SLC25A31: variants seen among roughly 807,000 people sequenced by gnomAD.
The protein encoded by SLC25A31 is ADP/ATP translocase 4.
SLC25A31 carries 40 observed loss-of-function variants against 36.2 expected under a neutral mutation model. The observed-to-expected ratio is 1.10, with a 90% CI of 0.86 to 1.44. The LOEUF is 1.44. Ranked by LOEUF, SLC25A31 falls within the 40% of genes most tolerant of loss-of-function variation. The pLI is 0.00. For synonymous variants in SLC25A31, 143 were observed against 149.7 expected, an observed-to-expected ratio of 0.96 and a Z score of 0.32; for missense variants, 350 against 397.1, an observed-to-expected ratio of 0.88 and a Z score of 1.01.
intron 4 of SLC25A31, 114 bp from the exon 5 acceptor site, chr4:127,768,638 A>AT (rs1478023933): frequency 1.8e-5 from 15 of 844,442 alleles, no homozygotes; most frequent in Non-Finnish European, 2.4e-5. Flanking sequence ...TTTTTATTGC[A>AT]TTTTAAGTAT....
intron 2 of SLC25A31, among the ~76,000 whole-genome samples, chr4:127,751,943 A>G (rs2148758744): frequency 6.6e-6 from 1 of 152,302 alleles, no homozygotes; most frequent in Non-Finnish European, 1.5e-5. Context: ...GGATGTGGAG[A>G]AATAGGAACA....
chr4:127,761,958 A>G (rs560026938), intron 2 of SLC25A31, among the ~76,000 whole-genome samples: 6 of 152,330 alleles, frequency 3.9e-5, no homozygotes, highest in Non-Finnish European at 7.4e-5. Flanking sequence ...GTCAGATGCA[A>G]TCTCCTGATC....
At position 127,764,310 on chromosome 4, in the gene SLC25A31, T is replaced by C; in HGVS notation, c.428T>C (p.Val143Ala). 6.2e-7 allele frequency: 1 copy of C among 1,614,138 alleles called. No individual in the cohort carries two copies. Among genetic ancestry groups the C allele is most frequent in the Non-Finnish European group, 8.5e-7 (1 of 1,179,994 alleles). Residue 143 changes from valine (V) to alanine (A), a missense_variant, in exon 3 of 6, where the codon GTA becomes GCA. Val to Ala is a moderately conservative substitution (Grantham distance 64, BLOSUM62 0). Transcript: ENST00000281154. The stretch of plus-strand genomic sequence containing the variant: ...GCTGGGGCAACATCCTTATGTGTAG[T>C]ATATCCTCTAGATTTTGCCCGAACC... The part of the protein sequence containing the change: ...GAAGATSLCV[V>A]YPLDFARTRL...
chr4:127,743,740 A>C (rs1029161033), intron 1 of SLC25A31, among the ~76,000 whole-genome samples: 1 of 152,190 alleles, frequency 6.6e-6, no homozygotes, highest in African/African-American at 2.4e-5. Context: ...TTTTTCCCAC[A>C]GGGTTAATGT....
rs374875835 is a variant in SLC25A31, at chr4:127,760,806, G to A, written c.361-3437G>A. ...TGTAATCCCAGCACTTTGGGAGGCCGAGGCGGGCAGATCACAAGGTCAGGA... is the reference window on the plus strand; with the variant it reads ...TGTAATCCCAGCACTTTGGGAGGCCAAGGCGGGCAGATCACAAGGTCAGGA... On this transcript the variant is annotated intron_variant, in intron 2 of 5. Coordinates refer to ENST00000281154, the MANE Select transcript of SLC25A31 (RefSeq NM_031291.4). Among the ~76,000 whole-genome samples, 16 of 152,178 alleles carry A rather than the reference G, an allele frequency of 1.1e-4. No homozygotes were observed. In the East Asian group the frequency reaches 2.1e-3, roughly 20 times the overall value.
intron 4 of SLC25A31, 79 bp from the exon 5 acceptor site, chr4:127,768,673 A>G (rs939396728): frequency 3.2e-6 from 4 of 1,252,136 alleles, no homozygotes; most frequent in South Asian, 1.9e-5. Flanking sequence ...TCATATATTT[A>G]TAAAAATTAT....
At chr4:127,751,054 C>T (rs1731922197) in intron 2 of SLC25A31, among the ~76,000 whole-genome samples, 1 of 152,084 alleles carries the variant, frequency 6.6e-6, no homozygotes, top group South Asian at 2.1e-4. Flanking sequence ...ACTTTCTTCA[C>T]AGAATTGGAA....
chr4:127,752,204 C>T lies in SLC25A31; in HGVS notation c.360+7405C>T, dbSNP rs1165646043. Among the ~76,000 whole-genome samples, 124 of 152,094 alleles carry T rather than the reference C, an allele frequency of 8.2e-4. 1 individual carries two copies. The highest frequency in any genetic ancestry group is 1.4e-3 in the Non-Finnish European group (93 of 67,994). ...TCAGTGATAGACTGGATTAAGAAAA[C>T]GTGGCACATATACACCATGGAATAC... On this transcript the variant is annotated intron_variant, in intron 2 of 5. Coordinates refer to ENST00000281154, the MANE Select transcript of SLC25A31 (RefSeq NM_031291.4).
chr4:127,766,294 G>C (rs1560640383), intron 3 of SLC25A31, among the ~76,000 whole-genome samples: 1 of 150,620 alleles, frequency 6.6e-6, no homozygotes, highest in African/African-American at 2.4e-5. Flanking sequence ...CAGCCTCCTG[G>C]GTAGCTGGGA....
At chr4:127,765,415 T>C (rs1732222374) in intron 3 of SLC25A31, among the ~76,000 whole-genome samples, 1 of 152,230 alleles carries the variant, frequency 6.6e-6, no homozygotes, top group Non-Finnish European at 1.5e-5. Context: ...GTAGATTTCA[T>C]TCTGTCATGT....
At chr4:127,749,605 A>G (rs983447612) in intron 2 of SLC25A31, among the ~76,000 whole-genome samples, 11 of 149,956 alleles carry the variant, frequency 7.3e-5, no homozygotes, top group Admixed American at 7.3e-4. Context: ...TTAGCTGGGT[A>G]TGGTGAGGCA....
chr4:127,736,944 A>G (rs1032455365), intron 1 of SLC25A31, among the ~76,000 whole-genome samples: 1 of 152,240 alleles, frequency 6.6e-6, no homozygotes, highest in Non-Finnish European at 1.5e-5. Flanking sequence ...TATGTAGTGC[A>G]TAGCATATCT....
At chr4:127,739,228 G>C (rs1731689337) in intron 1 of SLC25A31, among the ~76,000 whole-genome samples, 1 of 152,068 alleles carries the variant, frequency 6.6e-6, no homozygotes, top group Non-Finnish European at 1.5e-5. Context: ...GTGGTAGCAG[G>C]TATTTTTCTT....
At chr4:127,749,176 T>C (rs1022035193) in intron 2 of SLC25A31, among the ~76,000 whole-genome samples, 2 of 151,628 alleles carry the variant, frequency 1.3e-5, no homozygotes, top group Admixed American at 6.6e-5. Context: ...GACGCAATCA[T>C]GCAGATGAAA....
At chr4:127,738,069 G>T (rs1018010224) in intron 1 of SLC25A31, among the ~76,000 whole-genome samples, 1 of 151,932 alleles carries the variant, frequency 6.6e-6, no homozygotes, top group Non-Finnish European at 1.5e-5. Flanking sequence ...TTAAACAGCT[G>T]ATTTCAATTT....
At chr4:127,731,489 G>C (rs890001753) in intron 1 of SLC25A31, among the ~76,000 whole-genome samples, 3 of 152,102 alleles carry the variant, frequency 2.0e-5, no homozygotes, top group Non-Finnish European at 4.4e-5. Context: ...GATCACTTGA[G>C]CTCGAGCTCA....
chr4:127,757,348 C>A (rs1352937492), intron 2 of SLC25A31, among the ~76,000 whole-genome samples: 1 of 152,108 alleles, frequency 6.6e-6, no homozygotes, highest in Non-Finnish European at 1.5e-5. Flanking sequence ...CACACGTACC[C>A]TCTGTTTAGT....
At chr4:127,736,872 TG>T (rs1731642808) in intron 1 of SLC25A31, among the ~76,000 whole-genome samples, 1 of 152,262 alleles carries the variant, frequency 6.6e-6, no homozygotes, top group Non-Finnish European at 1.5e-5. Context: ...TGAAATAATT[TG>T]GGATAAACTT....
At position 127,768,792 on chromosome 4, in the gene SLC25A31, C is replaced by T. The variant is rs1345718094; in HGVS notation, c.674C>T (p.Ser225Phe). 2.5e-6 allele frequency: 4 copies of T among 1,608,390 alleles called. No individual in the cohort carries two copies. Among genetic ancestry groups the T allele is most frequent in the East Asian group, 2.2e-5 (1 of 44,590 alleles). The change falls in exon 5 of 6, where the codon TCC (serine) becomes TTC (phenylalanine). Residue 225 changes from serine to phenylalanine, a missense_variant. Physicochemically the swap from Ser to Phe is radical, Grantham distance 155. Coordinates refer to ENST00000281154, the MANE Select transcript of SLC25A31 (RefSeq NM_031291.4). Reference protein sequence around the residue: ...PKPKKTPFLVSFFIAQVVTTC... With the variant: ...PKPKKTPFLVFFFIAQVVTTC... ...CCAAAGAAAACTCCATTTCTTGTCTCCTTTTTCATTGCTCAAGTTGTGACT... is the reference window on the plus strand; with the variant it reads ...CCAAAGAAAACTCCATTTCTTGTCTTCTTTTTCATTGCTCAAGTTGTGACT...
Sources: allele counts gnomAD v4.1 joint callset (sites outside exome capture counted in the v4.1 genomes callset), GRCh38; gene constraint gnomAD v4.1.1; transcripts MANE v1.5; gene names NCBI Gene and HGNC (gene_info 2026-07-23, HGNC 2026-07-21).